Variants in GTF2H1 observed in about 807,000 individuals in gnomAD.
GTF2H1 encodes the protein BTF2 p62.
A neutral mutation model predicts 71.2 loss-of-function variants in GTF2H1; 16 were observed. The observed-to-expected ratio is 0.22, with a 90% confidence interval of 0.15 to 0.34. The LOEUF (loss-of-function observed/expected upper bound fraction) is 0.34, where lower values mean the gene tolerates loss of function less well. Ranked by LOEUF, GTF2H1 falls within the 10% of genes least tolerant of loss-of-function variation. The pLI is 1.00. For missense variants in GTF2H1, 498 were observed against 648.2 expected (o/e 0.77, Z 2.52); for synonymous variants, 215 against 219.0 (o/e 0.98, Z 0.16).
At chr11:18,363,824 G>C (rs528626027) in intron 14 of GTF2H1, among the ~76,000 whole-genome samples, 4 of 152,190 alleles carry the variant, frequency 2.6e-5, no homozygotes, top group Admixed American at 6.5e-5. Context: ...TGTAATCCCA[G>C]TACTTTGGGA....
intron 7 of GTF2H1, among the ~76,000 whole-genome samples, chr11:18,344,925 G>A (rs906118794): frequency 2.6e-5 from 4 of 152,044 alleles, no homozygotes; most frequent in Admixed American, 6.5e-5. Context: ...GTCATTTCTC[G>A]CCAGGTGGGG....
At chr11:18,350,531 A>G (rs1169913593) in intron 9 of GTF2H1, among the ~76,000 whole-genome samples, 5 of 152,212 alleles carry the variant, frequency 3.3e-5, no homozygotes, top group Non-Finnish European at 7.3e-5. Context: ...TTAGAATCTT[A>G]AAGCTGGAGC....
intron 11 of GTF2H1, among the ~76,000 whole-genome samples, chr11:18,354,752 C>G (rs953385303): frequency 1.3e-5 from 2 of 152,142 alleles, no homozygotes; most frequent in African/African-American, 4.8e-5. Flanking sequence ...TTTATATCAG[C>G]ATGGATTCAT....
chr11:18,330,737 A>T (rs1055698374), intron 1 of GTF2H1, among the ~76,000 whole-genome samples: 1 of 152,214 alleles, frequency 6.6e-6, no homozygotes, highest in African/African-American at 2.4e-5. Context: ...AACAAATAGC[A>T]CACATATACA....
chr11:18,341,762 T>C, intron 7 of GTF2H1, 155 bp downstream of exon 7: 2 of 527,176 alleles, frequency 3.8e-6, no homozygotes. Context: ...TGAAATAGCG[T>C]TGTTTGCCAT....
chr11:18,349,118 C>T (rs1272403232), intron 9 of GTF2H1, among the ~76,000 whole-genome samples: 1 of 152,178 alleles, frequency 6.6e-6, no homozygotes, highest in Non-Finnish European at 1.5e-5. Flanking sequence ...TGGTGTTGAA[C>T]TCCTGGCCTC....
At chr11:18,341,686 A>G (rs1865160589) in intron 7 of GTF2H1, 79 bp downstream of exon 7, 7 of 842,592 alleles carry the variant, frequency 8.3e-6, no homozygotes, top group Non-Finnish European at 1.1e-5. Flanking sequence ...TAGTAGACCT[A>G]TTCCACTTGT....
At chr11:18,337,522 AAG>A (rs1865058170) in intron 3 of GTF2H1, among the ~76,000 whole-genome samples, 1 of 152,198 alleles carries the variant, frequency 6.6e-6, no homozygotes, top group Admixed American at 6.5e-5. Context: ...CTGTATATGA[AAG>A]AGAATACATT....
In GTF2H1 at chr11:18,348,165, C is replaced by T. The variant is rs1021753421; in HGVS notation, c.1053+246C>T. ...TTTGTTTGTTTGTTTGTTTGTTTTC[C>T]TCACATGTACACATACATACAGATT... On this transcript the variant is annotated intron_variant, in intron 9 of 14. Coordinates refer to ENST00000265963, the MANE Select transcript of GTF2H1 (RefSeq NM_005316.4). 7 of 579,044 alleles carry T rather than the reference C, an allele frequency of 1.2e-5. No homozygotes were observed. The East Asian group carries it at 2.0e-4, about 16-fold the overall frequency. The allele number at this position is 579,044 out of a possible 1,614,324, so 35.9% of individuals were successfully genotyped here.
In GTF2H1 at chr11:18,362,605, TTCTC is replaced by T. The variant is rs972336195; in HGVS notation, c.1560+1906_1560+1909del. 1.6e-4 allele frequency among the ~76,000 whole-genome samples: 24 copies of T among 151,602 alleles called. 1 individual carries two copies. The South Asian group carries it at 2.3e-3, about 14-fold the overall frequency. On this transcript the variant is annotated intron_variant, in intron 14 of 14. Transcript: ENST00000265963. ...CTTTGTATTCTTATTCTATAAGCCT[TTCTC>T]TCTCTCTTTCTCTCTCTCTCTCCCT... is the stretch of plus-strand genomic sequence containing the variant.
At chr11:18,327,143 A>T (rs1864786488) in intron 1 of GTF2H1, among the ~76,000 whole-genome samples, 1 of 152,218 alleles carries the variant, frequency 6.6e-6, no homozygotes, top group African/African-American at 2.4e-5. Context: ...TTGAAAATAG[A>T]AAACACTGTT....
At position 18,360,678 on chromosome 11, in the gene GTF2H1, A is replaced by G. The variant is rs767664524; in HGVS notation, c.1531A>G (p.Lys511Glu). Residue 511 changes from lysine (K) to glutamate (E), a missense_variant, in exon 14 of 15, where the codon AAG becomes GAG. By Grantham distance (56) the Lys-to-Glu change is moderately conservative. Around this residue, in one of 3 missense-constraint regions of GTF2H1, gnomAD observed 266 missense variants for 301.6 expected, o/e 0.88. Coordinates refer to ENST00000265963, the MANE Select transcript of GTF2H1 (RefSeq NM_005316.4). ...TACGAAGCTCTGTCCATTCCAAGAA[A>G]AGATTCGGAGACAGTATTTAAGCAC... ...QVTKLCPFQE[K>E]IRRQYLSTNL... is the part of the protein sequence containing the mutation. 4 of 1,571,986 alleles carry G rather than the reference A, an allele frequency of 2.5e-6. No individual in the cohort carries two copies. The East Asian group carries it at 7.0e-5, about 28-fold the overall frequency.
chr11:18,358,577 T>C lies in GTF2H1; in HGVS notation c.1404T>C (p.Val468=). 4 of 1,613,286 alleles carry C rather than the reference T, an allele frequency of 2.5e-6. No individual in the cohort carries two copies. In the South Asian group the frequency reaches 4.4e-5, roughly 18 times the overall value. Residue 468 remains valine, a synonymous_variant, in exon 13 of 15, where the codon GTT becomes GTC. Coordinates refer to ENST00000265963, the MANE Select transcript of GTF2H1 (RefSeq NM_005316.4). ...QSELKHLYVA[V]GELLRHFWSC... is the part of the protein sequence containing the mutation. ...AATTGAAACACTTATATGTAGCTGT[T>C]GGAGAACTTCTACGACATTTCTGGT...
intron 4 of GTF2H1, 88 bp downstream of exon 4, chr11:18,338,362 G>A: frequency 1.2e-6 from 1 of 824,262 alleles, no homozygotes; most frequent in South Asian, 1.7e-5. Flanking sequence ...GTAAAACTTA[G>A]CATTTCCTTA....
rs1462157828 is a variant in GTF2H1 at position 18,322,581 on chromosome 11, C to G, written c.-175C>G. ...CACGTGCCCTCAGACTCCTCGCAGC[C>G]AGCGATGGAGGCGAGACCCCCTAGT... On this transcript the variant is annotated 5_prime_UTR_variant, in exon 1 of 15. Coordinates refer to ENST00000265963, the MANE Select transcript of GTF2H1 (RefSeq NM_005316.4). 1 of 152,268 alleles carries G rather than the reference C, an allele frequency of 6.6e-6. No individual in the cohort carries two copies. Among genetic ancestry groups the G allele is most frequent in the Non-Finnish European group, 1.5e-5 (1 of 68,082 alleles). 9.4% of individuals were successfully genotyped at this position (152,268 alleles called of 1,614,324 possible).
intron 14 of GTF2H1, among the ~76,000 whole-genome samples, chr11:18,361,702 A>T (rs1865704384): frequency 6.6e-6 from 1 of 152,176 alleles, no homozygotes; most frequent in African/African-American, 2.4e-5. Context: ...ATGTTCTGAA[A>T]AATACATATT....
chr11:18,335,734 G>T lies in GTF2H1; in HGVS notation c.155-20G>T. On this transcript the variant is annotated intron_variant, in intron 2 of 14. Coordinates refer to ENST00000265963, the MANE Select transcript of GTF2H1 (RefSeq NM_005316.4). ...ACAGTGTGAGTGTCATCATCTAACT[G>T]CCCTCATGCTTCTTTTTAGGCCAGA... 3 of 1,588,398 alleles carry T rather than the reference G, an allele frequency of 1.9e-6. No individual in the cohort carries two copies. Among genetic ancestry groups the T allele is most frequent in the Non-Finnish European group, 2.6e-6 (3 of 1,158,084 alleles).
intron 13 of GTF2H1, 50 bp downstream of exon 13, chr11:18,358,690 A>G (rs1284094605): frequency 8.6e-7 from 1 of 1,160,662 alleles, no homozygotes; most frequent in African/African-American, 1.5e-5. Flanking sequence ...GTGACTTACA[A>G]GAAGTTTTGA....
intron 13 of GTF2H1, 28 bp from the exon 14 acceptor site, chr11:18,360,585 CTG>C: frequency 1.9e-6 from 2 of 1,060,182 alleles, no homozygotes; most frequent in Non-Finnish European, 2.8e-6. Flanking sequence ...TGAGATTTCT[CTG>C]TAATTTATTG....
Sources: allele counts gnomAD v4.1 joint callset (sites outside exome capture counted in the v4.1 genomes callset), GRCh38; gene constraint gnomAD v4.1.1; regional missense constraint gnomAD v4.1.1; transcripts MANE v1.5; gene names NCBI Gene and HGNC (gene_info 2026-07-23, HGNC 2026-07-21).